DNAH2: variants seen among roughly 807,000 people sequenced by gnomAD.
DNAH2 encodes the protein axonemal beta dynein heavy chain 2.
DNAH2 carries 323 observed loss-of-function variants against 523.5 expected under a neutral mutation model. The observed-to-expected ratio is 0.62, with a 90% CI of 0.56 to 0.68. The LOEUF (loss-of-function observed/expected upper bound fraction) is 0.68, where lower values mean the gene tolerates loss of function less well. DNAH2 is among the 30% of genes least tolerant of loss of function. DNAH2 has a pLI of 0.00. For missense variants in DNAH2, 4,907 were observed against 5,701.5 expected (o/e 0.86, Z 4.49); for synonymous variants, 2,093 against 2,177.4 (o/e 0.96, Z 1.08).
rs376113738 is a variant in DNAH2, at chr17:7,778,072, C to T, written c.5248-5C>T. The T allele has an allele frequency of 2.7e-5, 43 of 1,611,966 alleles. No homozygotes were observed. In the Admixed American group the frequency reaches 4.2e-4, roughly 16 times the overall value. ...CTCTCTCTTTTTCTGCGCTGTTTTC[C>T]CCAGGATCTTGATGACTGTGTCATC... On this transcript the variant is annotated splice_polypyrimidine_tract_variant and splice_region_variant and intron_variant, in intron 33 of 85. Coordinates refer to ENST00000572933, the MANE Select transcript of DNAH2 (RefSeq NM_020877.5).
intron 20 of DNAH2, among the ~76,000 whole-genome samples, 181 bp downstream of exon 20, chr17:7,764,454 T>C (rs1048545167): frequency 1.3e-4 from 19 of 151,380 alleles, no homozygotes; most frequent in Admixed American, 1.1e-3. Context: ...TCTTTTCCTC[T>C]TCTTCTTCCT....
At chr17:7,727,089 T>C (rs368974335) in intron 3 of DNAH2, 33 bp from the exon 4 acceptor site, 167 of 1,504,410 alleles carry the variant, frequency 1.1e-4, no homozygotes, top group Non-Finnish European at 6.9e-5. Context: ...CTGGCAGTTG[T>C]AGTTACTTTG....
intron 31 of DNAH2, 98 bp downstream of exon 31, chr17:7,776,247 CTTGAGG>C (rs1346128268): frequency 1.4e-6 from 2 of 1,429,606 alleles, no homozygotes; most frequent in African/African-American, 1.4e-5. Context: ...GGGCAGATCA[CTTGAGG>C]TCAGGAGTTC....
chr17:7,759,548 C>T lies in DNAH2; in HGVS notation c.2575C>T (p.Pro859Ser). ...KAINGDGKTS[P>S]NPLFQVLVIL... is the part of the protein sequence containing the mutation. ...TATCAACGGGGATGGAAAGACCAGC[C>T]CAAACCCACTCTTCCAAGTCCTTGT... The change falls in exon 16 of 86, where the codon CCA (proline) becomes TCA (serine). Residue 859 changes from proline (P) to serine (S), a missense_variant. Physicochemically the swap from Pro to Ser is moderately conservative, Grantham distance 74 (BLOSUM62 -1). Coordinates refer to ENST00000572933, the MANE Select transcript of DNAH2 (RefSeq NM_020877.5). The T allele has an allele frequency of 6.2e-7, 1 of 1,614,204 alleles. No individual in the cohort carries two copies. The highest frequency in any genetic ancestry group is 1.3e-5 in the African/African-American group (1 of 75,040).
intron 5 of DNAH2, among the ~76,000 whole-genome samples, 162 bp downstream of exon 5, chr17:7,733,477 T>C (rs1290180882): frequency 2.2e-5 from 3 of 139,366 alleles, no homozygotes; most frequent in African/African-American, 8.0e-5. Flanking sequence ...TTCTTCTTCT[T>C]TTTTTTTTTT....
chr17:7,756,354 C>T (rs986602292), intron 12 of DNAH2, among the ~76,000 whole-genome samples: 6 of 152,176 alleles, frequency 3.9e-5, no homozygotes, highest in Admixed American at 3.9e-4. Context: ...TGGCTCACTG[C>T]AACCTCCACC....
At chr17:7,787,326 AC>A in intron 42 of DNAH2, 1 of 485,546 alleles carries the variant, frequency 2.1e-6, no homozygotes, top group Non-Finnish European at 3.7e-6. Context: ...TCGTTTGTGC[AC>A]CCAGAGGTAT....
chr17:7,833,339 G>A, intron 85 of DNAH2, 40 bp from the exon 86 acceptor site: 4 of 1,610,464 alleles, frequency 2.5e-6, no homozygotes, highest in Non-Finnish European at 3.4e-6. Context: ...TGCTCTCCCG[G>A]AGGCTCCAGG....
At chr17:7,795,596 C>A (rs2077038364) in intron 49 of DNAH2, among the ~76,000 whole-genome samples, 1 of 150,968 alleles carries the variant, frequency 6.6e-6, no homozygotes. Flanking sequence ...ATTGCTTGAG[C>A]CCAGGAGGTC....
intron 63 of DNAH2, 31 bp from the exon 64 acceptor site, chr17:7,816,540 G>T: frequency 1.2e-6 from 2 of 1,612,424 alleles, no homozygotes; most frequent in Non-Finnish European, 1.7e-6. Context: ...CGAGCCCTGT[G>T]TTTGATGCGC....
Position 7,780,413 on chromosome 17 carries a change from T to A in DNAH2, c.5850+129T>A. 1 of 1,484,100 alleles carries A rather than the reference T, an allele frequency of 6.7e-7. No homozygotes were observed. Among genetic ancestry groups the A allele is most frequent in the Non-Finnish European group, 9.2e-7 (1 of 1,084,580 alleles). 91.9% of individuals were successfully genotyped at this position (1,484,100 alleles called of 1,614,324 possible). ...GGAACTTAGACTATTGTCAGTAGGATGTGTGGGGAGAAAAATTTAGGGGAG... is the reference window on the plus strand; with the variant it reads ...GGAACTTAGACTATTGTCAGTAGGAAGTGTGGGGAGAAAAATTTAGGGGAG... On this transcript the variant is annotated intron_variant, in intron 37 of 85. Coordinates refer to ENST00000572933, the MANE Select transcript of DNAH2 (RefSeq NM_020877.5). The surrounding 1 kb of genome is among the most constrained non-coding windows in gnomAD (Gnocchi z 4.4).
rs1567642942 is a variant in DNAH2, at chr17:7,754,089, T to A, written c.1905-3002T>A. On this transcript the variant is annotated intron_variant, in intron 12 of 85. Transcript: ENST00000572933. The surrounding 1 kb of genome is among the most constrained non-coding windows in gnomAD (Gnocchi z 4.6). ...TGGAGTGGGAGCCAGGTCTCAGGGA[T>A]GAGGAGGGAATGGGAAGAAAAGAGT... 2.0e-5 allele frequency among the ~76,000 whole-genome samples: 3 copies of A among 151,512 alleles called. No homozygotes were observed. The highest frequency in any genetic ancestry group is 6.6e-5 in the Admixed American group (1 of 15,200).
intron 68 of DNAH2, 88 bp from the exon 69 acceptor site, chr17:7,818,224 G>A (rs1105813): frequency 0.17 from 263,674 of 1,595,706 alleles, 29,701 homozygotes; most frequent in East Asian, 0.49. Context: ...AGGACAGGCT[G>A]AGTCGCTGCC....
At position 7,734,492 on chromosome 17, in the gene DNAH2, G is replaced by A. The variant is rs1273214566; in HGVS notation, c.762G>A (p.Arg254=). 6.2e-7 allele frequency: 1 copy of A among 1,613,912 alleles called. No homozygotes were observed. Among genetic ancestry groups the A allele is most frequent in the Admixed American group, 1.7e-5 (1 of 59,958 alleles). The change falls in exon 7 of 86, where the codon CGG becomes CGA. Residue 254 remains arginine, a synonymous_variant. Transcript: ENST00000572933. ...RLETSMIHWT[R]QIKEMLSAQE... is the part of the protein sequence containing the mutation. ...CAGCCTCCATGATCCACTGGACCCGGCAGATAAAGGAGATGCTCAGTGCCC... is the reference window on the plus strand; with the variant it reads ...CAGCCTCCATGATCCACTGGACCCGACAGATAAAGGAGATGCTCAGTGCCC...
rs539117269 is a variant in DNAH2 at position 7,735,167 on chromosome 17, G to A, written c.978+459G>A. On this transcript the variant is annotated intron_variant, in intron 7 of 85. Transcript: ENST00000572933. ...TATTTTTGAGACAGAGTCTGGCTCT[G>A]TTGCCCAGGCTGGAGTGCAGTGGTG... Among the ~76,000 whole-genome samples, 4 of 152,228 alleles carry A rather than the reference G, an allele frequency of 2.6e-5. No homozygotes were observed. In the East Asian group the frequency reaches 5.8e-4, roughly 22 times the overall value.
chr17:7,740,837 G>A lies in DNAH2; in HGVS notation c.1534G>A (p.Ala512Thr), dbSNP rs762242532. The A allele has an allele frequency of 1.2e-6, 2 of 1,610,860 alleles. No individual in the cohort carries two copies. The highest frequency in any genetic ancestry group is 1.7e-6 in the Non-Finnish European group (2 of 1,177,252). Reference protein sequence around the residue: ...EAIKRTYDKKAVDLYMLFNSE... With the variant: ...EAIKRTYDKKTVDLYMLFNSE... The stretch of plus-strand genomic sequence containing the variant: ...TATCAAGCGGACTTATGACAAGAAG[G>A]CGGTGGATCTCTACATGCTGTTCAA... The change falls in exon 11 of 86, where the codon GCG becomes ACG. Residue 512 changes from alanine to threonine, a missense_variant. Ala to Thr is a moderately conservative substitution (Grantham distance 58). Around this residue, in one of 3 missense-constraint regions of DNAH2, gnomAD observed 2,806 missense variants for 3,190.8 expected, o/e 0.88. Transcript: ENST00000572933.
chr17:7,796,052 T>C (rs2077053393), intron 49 of DNAH2, among the ~76,000 whole-genome samples: 1 of 142,870 alleles, frequency 7.0e-6, no homozygotes, highest in Non-Finnish European at 1.5e-5. Context: ...AGGATTTTTT[T>C]TTTTTTTTTT....
intron 12 of DNAH2, among the ~76,000 whole-genome samples, chr17:7,752,659 G>A (rs139581526): frequency 0.013 from 1,946 of 152,176 alleles, 37 homozygotes; most frequent in African/African-American, 0.045. Context: ...GCAGTGAGCT[G>A]AGATTGCGCC....
intron 18 of DNAH2, among the ~76,000 whole-genome samples, chr17:7,761,970 A>G (rs1455064881): frequency 1.3e-5 from 2 of 151,972 alleles, no homozygotes; most frequent in Admixed American, 1.3e-4. Context: ...AGTAAGGAAG[A>G]TAAAAGTATC....
Sources: allele counts gnomAD v4.1 joint callset (sites outside exome capture counted in the v4.1 genomes callset), GRCh38; gene constraint gnomAD v4.1.1; regional missense constraint gnomAD v4.1.1; non-coding constraint Gnocchi (gnomAD v3.1); transcripts MANE v1.5; gene names NCBI Gene and HGNC (gene_info 2026-07-23, HGNC 2026-07-21).